SLC6A3: variants seen among roughly 807,000 people sequenced by gnomAD.
SLC6A3 encodes the protein sodium-dependent dopamine transporter.
SLC6A3 carries 19 observed loss-of-function variants against 70.4 expected under a neutral mutation model. That is an observed-to-expected ratio of 0.27 (90% confidence interval 0.19 to 0.40). The LOEUF is 0.40. Among genes scored for constraint, SLC6A3 ranks in the 10% least tolerant of loss-of-function variants. SLC6A3 has a pLI of 1.00. For missense variants in SLC6A3, 613 were observed against 838.5 expected (o/e 0.73, Z 3.32); for synonymous variants, 368 against 356.6 (o/e 1.03, Z -0.36).
At position 1,411,369 on chromosome 5, in the gene SLC6A3, C is replaced by T. The variant is rs1424040863; in HGVS notation, c.1157-14G>A. The T allele has an allele frequency of 1.6e-5, 25 of 1,539,424 alleles. No individual in the cohort carries two copies. Among genetic ancestry groups the T allele is most frequent in the East Asian group, 2.4e-5 (1 of 40,894 alleles). On this transcript the variant is annotated splice_polypyrimidine_tract_variant and intron_variant, in intron 8 of 14. Transcript: ENST00000270349. The surrounding 1 kb of genome is among the most constrained non-coding windows in gnomAD (Gnocchi z 6.5). ...TCAGCCCTGGCCCTGAAACAGAACC[C>T]GCCCTGCTTGCCACAGAGCCCACGC...
chr5:1,418,516 CAT>C (rs935386899), intron 6 of SLC6A3, among the ~76,000 whole-genome samples: 16 of 152,206 alleles, frequency 1.1e-4, no homozygotes, highest in African/African-American at 3.9e-4. Flanking sequence ...ATATGAAGTA[CAT>C]GTGTGTGTAT....
intron 14 of SLC6A3, among the ~76,000 whole-genome samples, chr5:1,395,863 G>A (rs1390132495): frequency 1.3e-5 from 2 of 152,240 alleles, no homozygotes; most frequent in Non-Finnish European, 2.9e-5. Context: ...CCCTCTGGAG[G>A]GAGGTGTGCT....
At position 1,413,119 on chromosome 5, in the gene SLC6A3, A is replaced by G. The variant is rs1375182522; in HGVS notation, c.1156+1572T>C. On this transcript the variant is annotated intron_variant, in intron 8 of 14. Transcript: ENST00000270349. The surrounding 1 kb of genome is among the most constrained non-coding windows in gnomAD (Gnocchi z 7.1). ...CTTGTCATGAAATGCACAGAAGAAC[A>G]TTCAACTTTATTTTCAGGGGTTAAT... is the stretch of plus-strand genomic sequence containing the variant. 6.6e-6 allele frequency among the ~76,000 whole-genome samples: 1 copy of G among 152,280 alleles called. No individual in the cohort carries two copies. The highest frequency in any genetic ancestry group is 1.5e-5 in the Non-Finnish European group (1 of 68,052).
Position 1,420,599 on chromosome 5 carries a change from G to T in SLC6A3, c.897C>A (p.Ser299Arg), listed in dbSNP as rs769293604. 9.3e-6 allele frequency: 15 copies of T among 1,613,548 alleles called. No individual in the cohort carries two copies. The highest frequency in any genetic ancestry group is 1.2e-5 in the Non-Finnish European group (14 of 1,180,020). Reference sequence around the variant, plus strand: ...CCTCGCAGAGCCGGTAGAAGTCAACGCTCAGGTATGCTCTGATGCCGTCTA... The same window carrying T: ...CCTCGCAGAGCCGGTAGAAGTCAACTCTCAGGTATGCTCTGATGCCGTCTA... ...GAIDGIRAYL[S>R]VDFYRLCEAS... is the part of the protein sequence containing the mutation. The change falls in exon 6 of 15, where the codon AGC becomes AGA. Residue 299 changes from serine (S) to arginine (R), a missense_variant. By Grantham distance (110) the Ser-to-Arg change is moderately radical. Transcript: ENST00000270349.
intron 11 of SLC6A3, among the ~76,000 whole-genome samples, chr5:1,407,302 C>T (rs558252872): frequency 2.6e-5 from 4 of 152,186 alleles, no homozygotes; most frequent in African/African-American, 7.2e-5. Context: ...CCTCTTCACA[C>T]CCACCCGGCA....
Position 1,428,492 on chromosome 5 carries a change from T to C in SLC6A3, c.653+3972A>G, listed in dbSNP as rs116425638. Reference sequence around the variant, plus strand: ...GGGGTTTTGAAATGAAAACACAGCATATCAAATGTGTGGGATGCAGCCAAT... The same window carrying C: ...GGGGTTTTGAAATGAAAACACAGCACATCAAATGTGTGGGATGCAGCCAAT... On this transcript the variant is annotated intron_variant, in intron 4 of 14. Coordinates refer to ENST00000270349, the MANE Select transcript of SLC6A3 (RefSeq NM_001044.5). 5.2e-3 allele frequency among the ~76,000 whole-genome samples: 785 copies of C among 152,340 alleles called. 12 individuals carry two copies. Among genetic ancestry groups the C allele is most frequent in the African/African-American group, 0.018 (733 of 41,578 alleles).
At chr5:1,416,415 G>A in intron 6 of SLC6A3, 2 of 611,912 alleles carry the variant, frequency 3.3e-6, no homozygotes, top group Non-Finnish European at 2.9e-6. Flanking sequence ...AGAAGCAGGG[G>A]GCTGTCTGTG....
Position 1,396,102 on chromosome 5 carries a change from C to T in SLC6A3, c.1840-1344G>A, listed in dbSNP as rs543199943. Among the ~76,000 whole-genome samples, 2 of 152,292 alleles carry T rather than the reference C, an allele frequency of 1.3e-5. No homozygotes were observed. Among genetic ancestry groups the T allele is most frequent in the Admixed American group, 6.5e-5 (1 of 15,296 alleles). On this transcript the variant is annotated intron_variant, in intron 14 of 14. Coordinates refer to ENST00000270349, the MANE Select transcript of SLC6A3 (RefSeq NM_001044.5). This position sits in a 1 kb window ranked among gnomAD's most constrained non-coding sequence, Gnocchi z 7.0. ...GAGAATTTCACAAGAAACAGCAGAG[C>T]ACACGCAGCTTCCAGAGATGAAGTA... is the stretch of plus-strand genomic sequence containing the variant.
intron 9 of SLC6A3, among the ~76,000 whole-genome samples, chr5:1,410,721 C>T (rs1295827701): frequency 6.6e-6 from 1 of 152,148 alleles, no homozygotes; most frequent in Non-Finnish European, 1.5e-5. Context: ...CTGCTGTGTG[C>T]CCTCCAAGGC....
chr5:1,427,109 G>A (rs572816833), intron 4 of SLC6A3, among the ~76,000 whole-genome samples: 44 of 152,214 alleles, frequency 2.9e-4, no homozygotes, highest in Non-Finnish European at 5.3e-4. Flanking sequence ...ATACAGGACC[G>A]GACAGCACTA....
At chr5:1,424,404 C>G (rs539042380) in intron 4 of SLC6A3, among the ~76,000 whole-genome samples, 1 of 152,336 alleles carries the variant, frequency 6.6e-6, no homozygotes, top group East Asian at 1.9e-4. Context: ...AGCAAGGTCT[C>G]ATCACTGAGA....
chr5:1,431,000 C>T (rs1002655286), intron 4 of SLC6A3, among the ~76,000 whole-genome samples: 8 of 152,216 alleles, frequency 5.3e-5, no homozygotes, highest in Admixed American at 2.0e-4. Context: ...ACCAGGCAAG[C>T]GAGCCCCCCA....
rs1488401167 is a variant in SLC6A3, at chr5:1,401,289, G to A, written c.1768-303C>T. The A allele has an allele frequency of 6.6e-6, 4 of 603,568 alleles. No individual in the cohort carries two copies. Among genetic ancestry groups the A allele is most frequent in the Non-Finnish European group, 1.2e-5 (4 of 321,914 alleles). 37.4% of individuals were successfully genotyped at this position (603,568 alleles called of 1,614,324 possible). A position where few individuals can be genotyped will look rare whatever the true frequency, so the allele number is the denominator to read the frequency against. ...TCGCTTGAAAATAAAACGTGGTCCT[G>A]GAGATGGCTCTTGAGTCTAAGCTAC... On this transcript the variant is annotated intron_variant, in intron 13 of 14. Coordinates refer to ENST00000270349, the MANE Select transcript of SLC6A3 (RefSeq NM_001044.5). The surrounding 1 kb of genome is among the most constrained non-coding windows in gnomAD (Gnocchi z 6.1).
rs1756123156 is a variant in SLC6A3 at position 1,411,436 on chromosome 5, C to T, written c.1157-81G>A. On this transcript the variant is annotated intron_variant, in intron 8 of 14. Transcript: ENST00000270349. The surrounding 1 kb of genome is among the most constrained non-coding windows in gnomAD (Gnocchi z 6.5). Reference sequence around the variant, plus strand: ...TCCTGCCCCACCCCGCCCCGAGAAGCATGGCCTGCCACAGGCCTGTAGAGA... The same window carrying T: ...TCCTGCCCCACCCCGCCCCGAGAAGTATGGCCTGCCACAGGCCTGTAGAGA... 1 of 1,031,332 alleles carries T rather than the reference C, an allele frequency of 9.7e-7. No homozygotes were observed. The highest frequency in any genetic ancestry group is 2.6e-5 in the East Asian group (1 of 38,598). The allele number at this position is 1,031,332 out of a possible 1,614,324, so 63.9% of individuals were successfully genotyped here. A position where few individuals can be genotyped will look rare whatever the true frequency, so the allele number is the denominator to read the frequency against.
In SLC6A3 at chr5:1,408,482, A is replaced by C. The variant is rs1013633347; in HGVS notation, c.1498+544T>G. On this transcript the variant is annotated intron_variant, in intron 11 of 14. Transcript: ENST00000270349. The surrounding 1 kb of genome is among the most constrained non-coding windows in gnomAD (Gnocchi z 6.4). ...GTCGAGGTGACTTGGCCAGGTCAGC[A>C]TGTGGGGAAAGGGCAGCCCTGGCTC... 6.6e-6 allele frequency among the ~76,000 whole-genome samples: 1 copy of C among 152,220 alleles called. No individual in the cohort carries two copies. The highest frequency in any genetic ancestry group is 2.1e-4 in the South Asian group (1 of 4,828).
Position 1,394,318 on chromosome 5 carries a change from A to T in SLC6A3, c.*417T>A, listed in dbSNP as rs1365205789. 1.2e-5 allele frequency: 4 copies of T among 329,858 alleles called. No individual in the cohort carries two copies. The East Asian group carries it at 2.6e-4, about 22-fold the overall frequency. The allele number at this position is 329,858 out of a possible 1,614,324, so 20.4% of individuals were successfully genotyped here. A position where few individuals can be genotyped will look rare whatever the true frequency, so the allele number is the denominator to read the frequency against. ...GGCAAAGTAAATGGTCTAGGAAGCT[A>T]CTGTGAGCACGGGGATTCTCAGCAG... On this transcript the variant is annotated 3_prime_UTR_variant, in exon 15 of 15. Transcript: ENST00000270349. The surrounding 1 kb of genome is among the most constrained non-coding windows in gnomAD (Gnocchi z 4.7).
chr5:1,440,246 T>C (rs1756941992), intron 3 of SLC6A3, among the ~76,000 whole-genome samples: 3 of 151,654 alleles, frequency 2.0e-5, no homozygotes, highest in Admixed American at 2.0e-4. Context: ...AGATAGAAGA[T>C]GGATGGATGG....
At chr5:1,420,034 C>T (rs1406317454) in intron 6 of SLC6A3, among the ~76,000 whole-genome samples, 1 of 152,214 alleles carries the variant, frequency 6.6e-6, no homozygotes, top group Non-Finnish European at 1.5e-5. Context: ...TGCCTCATAC[C>T]CCAGCTGAGA....
rs370982248 is a variant in SLC6A3, at chr5:1,411,222, C to A, written c.1269+21G>T. ...GGAACCCAACTGCCGAGGACAGGGC[C>A]GGGCGGTGCGGGTTACTCACGGCGC... On this transcript the variant is annotated intron_variant, in intron 9 of 14. Coordinates refer to ENST00000270349, the MANE Select transcript of SLC6A3 (RefSeq NM_001044.5). This position sits in a 1 kb window ranked among gnomAD's most constrained non-coding sequence, Gnocchi z 6.5. 86 of 1,504,778 alleles carry A rather than the reference C, an allele frequency of 5.7e-5. No homozygotes were observed. The highest frequency in any genetic ancestry group is 2.7e-4 in the Admixed American group (14 of 50,916). 93.2% of individuals were successfully genotyped at this position (1,504,778 alleles called of 1,614,324 possible).
Sources: gnomAD v4.1 joint callset for allele counts (sites outside exome capture counted in the v4.1 genomes callset) on GRCh38, gnomAD v4.1.1 for gene constraint, Gnocchi (gnomAD v3.1) non-coding constraint, MANE v1.5 for transcripts, NCBI Gene and HGNC (gene_info 2026-07-23, HGNC 2026-07-21) for gene names.